The following ARPP21 variants were observed in gnomAD, a reference collection of about 807,000 sequenced individuals.
ARPP21 encodes the protein cAMP regulated phosphoprotein 21.
A neutral mutation model predicts 113.2 loss-of-function variants in ARPP21; 69 were observed. The ratio of observed to expected loss-of-function variants is 0.61; its 90% CI spans 0.50 to 0.74. The LOEUF (loss-of-function observed/expected upper bound fraction) is 0.74. Among genes scored for constraint, ARPP21 ranks in the 30% least tolerant of loss-of-function variants. The pLI is 0.00. For missense variants in ARPP21, 1,070 were observed against 1,037.4 expected (o/e 1.03, Z -0.43); for synonymous variants, 368 against 375.5 (o/e 0.98, Z 0.23).
At chr3:35,667,855 A>G (rs1021064531) in intron 1 of ARPP21, among the ~76,000 whole-genome samples, 1 of 119,342 alleles carries the variant, frequency 8.4e-6, no homozygotes, top group Non-Finnish European at 1.6e-5. Flanking sequence ...AAGAAGAAGA[A>G]GAAGAAGAAG....
At chr3:35,682,738 C>A in intron 3 of ARPP21, 110 bp from the exon 4 acceptor site, 1 of 920,602 alleles carries the variant, frequency 1.1e-6, no homozygotes, top group African/African-American at 1.7e-5. Flanking sequence ...CTACTGTAGC[C>A]GGTAGTGACA....
intron 18 of ARPP21, among the ~76,000 whole-genome samples, chr3:35,742,126 C>T (rs2150828706): frequency 6.6e-6 from 1 of 152,226 alleles, no homozygotes; most frequent in African/African-American, 2.4e-5. Flanking sequence ...TCCTTCATCC[C>T]TGAGGATATT....
chr3:35,702,208 A>T (rs2086684938), intron 9 of ARPP21, among the ~76,000 whole-genome samples: 1 of 151,742 alleles, frequency 6.6e-6, no homozygotes, highest in African/African-American at 2.4e-5. Context: ...AAGCATATTT[A>T]TGTTTGTATT....
chr3:35,663,593 G>A (rs952994499), intron 1 of ARPP21, among the ~76,000 whole-genome samples: 1 of 151,772 alleles, frequency 6.6e-6, no homozygotes, highest in Non-Finnish European at 1.5e-5. Flanking sequence ...CGTGTTGATC[G>A]GAGACAGATC....
At chr3:35,680,288 T>C (rs1400505579) in intron 2 of ARPP21, among the ~76,000 whole-genome samples, 1 of 151,892 alleles carries the variant, frequency 6.6e-6, no homozygotes, top group Non-Finnish European at 1.5e-5. Flanking sequence ...GCCACTGAAA[T>C]ATAAGAAATC....
At chr3:35,725,613 C>T (rs930054334) in intron 14 of ARPP21, among the ~76,000 whole-genome samples, 9 of 152,202 alleles carry the variant, frequency 5.9e-5, no homozygotes, top group African/African-American at 2.2e-4. Context: ...CCCTCTGCTC[C>T]AAGGGAATCT....
At chr3:35,679,211 C>T (rs560296675) in intron 1 of ARPP21, among the ~76,000 whole-genome samples, 1 of 151,986 alleles carries the variant, frequency 6.6e-6, no homozygotes, top group Non-Finnish European at 1.5e-5. Context: ...TCTTCCCAAA[C>T]TATAAGTAGA....
At chr3:35,780,377 A>G (rs1191104359) in intron 19 of ARPP21, among the ~76,000 whole-genome samples, 2 of 152,210 alleles carry the variant, frequency 1.3e-5, no homozygotes, top group Non-Finnish European at 2.9e-5. Flanking sequence ...GCAAAGAATG[A>G]GGAATGGGCA....
intron 19 of ARPP21, chr3:35,744,333 A>G (rs1214507958): frequency 5.6e-6 from 2 of 359,838 alleles, no homozygotes; most frequent in Non-Finnish European, 1.1e-5. Context: ...TAGGGAACCA[A>G]ATTAGGTTGT....
chr3:35,763,454 C>G (rs891169988), intron 19 of ARPP21, among the ~76,000 whole-genome samples: 1 of 152,144 alleles, frequency 6.6e-6, no homozygotes, highest in Non-Finnish European at 1.5e-5. Flanking sequence ...TCAACTGTCT[C>G]TCATTGATGT....
chr3:35,665,512 C>A lies in ARPP21; in HGVS notation c.-212-14275C>A, dbSNP rs183113149. On this transcript the variant is annotated intron_variant, in intron 1 of 20. Transcript: ENST00000684406. ...CACACATACATCCATGTATCTAGTTCTACATTGAAGTAGTTAATAGGTCTT... is the reference window on the plus strand; with the variant it reads ...CACACATACATCCATGTATCTAGTTATACATTGAAGTAGTTAATAGGTCTT... Among the ~76,000 whole-genome samples the A allele has an allele frequency of 4.7e-4, 71 of 152,224 alleles. 1 individual carries two copies. The highest frequency in any genetic ancestry group is 4.7e-4 in the Non-Finnish European group (32 of 68,018).
intron 1 of ARPP21, among the ~76,000 whole-genome samples, chr3:35,660,533 A>T (rs569825634): frequency 6.6e-6 from 1 of 152,174 alleles, no homozygotes; most frequent in Non-Finnish European, 1.5e-5. Flanking sequence ...CTTCTGTGCC[A>T]TCCTTGGAGA....
chr3:35,646,039 C>T (rs1700090223), intron 1 of ARPP21, among the ~76,000 whole-genome samples: 1 of 151,244 alleles, frequency 6.6e-6, no homozygotes, highest in Admixed American at 6.6e-5. Context: ...AATCAGAAGG[C>T]CTAGCTATCA....
intron 19 of ARPP21, among the ~76,000 whole-genome samples, chr3:35,746,862 C>A (rs1401674161): frequency 6.6e-6 from 1 of 152,198 alleles, no homozygotes; most frequent in African/African-American, 2.4e-5. Context: ...AAACTCTACA[C>A]AGTGAATTTT....
intron 14 of ARPP21, among the ~76,000 whole-genome samples, chr3:35,725,471 A>G (rs554354254): frequency 6.6e-6 from 1 of 152,246 alleles, no homozygotes; most frequent in South Asian, 2.1e-4. Context: ...GGTACCTTAT[A>G]TTTTACAAAA....
intron 19 of ARPP21, among the ~76,000 whole-genome samples, chr3:35,771,866 G>A (rs1197368292): frequency 6.6e-6 from 1 of 152,002 alleles, no homozygotes; most frequent in Non-Finnish European, 1.5e-5. Context: ...ATTTTCAAAG[G>A]CCTTTGGACT....
intron 1 of ARPP21, among the ~76,000 whole-genome samples, chr3:35,672,067 A>G (rs1311816041): frequency 6.6e-6 from 1 of 152,082 alleles, no homozygotes; most frequent in African/African-American, 2.4e-5. Flanking sequence ...ATTAGCTTTC[A>G]AGAAGACATT....
At chr3:35,677,511 AG>A (rs1182425320) in intron 1 of ARPP21, among the ~76,000 whole-genome samples, 2 of 151,992 alleles carry the variant, frequency 1.3e-5, no homozygotes, top group African/African-American at 4.8e-5. Flanking sequence ...CATGGTAAAT[AG>A]TTTACAGCAT....
chr3:35,744,679 T>G, intron 19 of ARPP21: 1 of 305,708 alleles, frequency 3.3e-6, no homozygotes, highest in Non-Finnish European at 6.7e-6. Flanking sequence ...AAACTGCTAA[T>G]TGTCATGCTG....
Sources: allele counts gnomAD v4.1 joint callset (sites outside exome capture counted in the v4.1 genomes callset), GRCh38; gene constraint gnomAD v4.1.1; transcripts MANE v1.5; gene names NCBI Gene and HGNC (gene_info 2026-07-23, HGNC 2026-07-21).